Variants in ZCWPW2 observed in about 807,000 individuals in gnomAD.
ZCWPW2 encodes zinc finger CW-type PWWP domain protein 2.
Under a neutral mutation model 46.6 loss-of-function variants are expected in ZCWPW2, and 45 were observed. That is an observed-to-expected ratio of 0.96 (90% CI 0.76 to 1.24). ZCWPW2 has a LOEUF of 1.24. ZCWPW2 is among the 50% of genes most tolerant of loss of function. The pLI, the probability that ZCWPW2 is intolerant of heterozygous loss-of-function variation, is 0.00. For synonymous variants in ZCWPW2, 152 were observed against 137.1 expected, an observed-to-expected ratio of 1.11 and a Z score of -0.76; for missense variants, 429 against 403.9, an observed-to-expected ratio of 1.06 and a Z score of -0.53.
In ZCWPW2 at chr3:28,466,026, C is replaced by A. The variant is rs149558068; in HGVS notation, c.493-12788C>A. The stretch of plus-strand genomic sequence containing the variant: ...AAGAACAAAATCATGTCATTTGTAG[C>A]AATATAGATGGAGTCAGAGGTCATT... On this transcript the variant is annotated intron_variant, in intron 4 of 9. Coordinates refer to ENST00000383768, the MANE Select transcript of ZCWPW2 (RefSeq NM_001040432.4). Among the ~76,000 whole-genome samples, 386 of 152,190 alleles carry A rather than the reference C, an allele frequency of 2.5e-3. 1 individual carries two copies. Among genetic ancestry groups the A allele is most frequent in the African/African-American group, 8.4e-3 (350 of 41,528 alleles).
At chr3:28,393,645 G>A (rs1209584137) in intron 2 of ZCWPW2, among the ~76,000 whole-genome samples, 8 of 151,988 alleles carry the variant, frequency 5.3e-5, no homozygotes, top group Non-Finnish European at 1.2e-4. Context: ...ATATGCAAAT[G>A]AATAAATGTT....
At chr3:28,506,969 A>C (rs938219664) in intron 6 of ZCWPW2, among the ~76,000 whole-genome samples, 1 of 152,176 alleles carries the variant, frequency 6.6e-6, no homozygotes, top group African/African-American at 2.4e-5. Context: ...ATCATTTAAC[A>C]AAAGAAGACC....
chr3:28,474,620 TGCGCGCGCGC>T (rs1553640372), intron 4 of ZCWPW2, among the ~76,000 whole-genome samples: 135 of 121,696 alleles, frequency 1.1e-3, no homozygotes, highest in African/African-American at 3.1e-3. Context: ...TGTGTGTGTG[TGCGCGCGCGC>T]GCGCGCGCAC....
At chr3:28,498,696 A>G (rs1041851946) in intron 6 of ZCWPW2, among the ~76,000 whole-genome samples, 3 of 151,826 alleles carry the variant, frequency 2.0e-5, no homozygotes, top group Admixed American at 6.6e-5. Flanking sequence ...CATGTGCAGA[A>G]CGTGCAGGTT....
intron 3 of ZCWPW2, among the ~76,000 whole-genome samples, chr3:28,422,012 C>G (rs1018569030): frequency 2.0e-5 from 3 of 151,912 alleles, no homozygotes; most frequent in African/African-American, 7.3e-5. Context: ...ATTTTTAACA[C>G]TTTACATTTT....
At chr3:28,445,480 C>A (rs895285224) in intron 4 of ZCWPW2, among the ~76,000 whole-genome samples, 1 of 151,868 alleles carries the variant, frequency 6.6e-6, no homozygotes, top group African/African-American at 2.4e-5. Context: ...GGTATAAATT[C>A]AAATTAAAGT....
Position 28,478,829 on chromosome 3 carries a change from A to C in ZCWPW2, c.508A>C (p.Asn170His). The C allele has an allele frequency of 1.9e-6, 3 of 1,550,066 alleles. No homozygotes were observed. Among genetic ancestry groups the C allele is most frequent in the Non-Finnish European group, 2.6e-6 (3 of 1,153,290 alleles). ...SITLKPEKCK[N>H]KKKWYKSALQ... ...ATTTATATAGCCAGAAAAGTGTAAG[A>C]ATAAAAAGAAGTGGTATAAAAGTGC... Residue 170 changes from asparagine (N) to histidine (H), a missense_variant, in exon 5 of 10, where the codon AAT (asparagine) becomes CAT (histidine). Transcript: ENST00000383768.
chr3:28,425,936 C>A (rs1333401921), intron 3 of ZCWPW2, among the ~76,000 whole-genome samples: 2 of 151,984 alleles, frequency 1.3e-5, no homozygotes, highest in Non-Finnish European at 2.9e-5. Context: ...ATGCAGAAAC[C>A]CTGTCTCTAC....
chr3:28,369,772 A>T (rs1705247305), intron 1 of ZCWPW2, among the ~76,000 whole-genome samples: 1 of 152,226 alleles, frequency 6.6e-6, no homozygotes, highest in Admixed American at 6.5e-5. Flanking sequence ...CTACAGAGGC[A>T]GGCAGGCCTC....
At chr3:28,411,354 C>A (rs1218657741) in intron 2 of ZCWPW2, among the ~76,000 whole-genome samples, 1 of 151,668 alleles carries the variant, frequency 6.6e-6, no homozygotes, top group Non-Finnish European at 1.5e-5. Context: ...CAAAAAAAAT[C>A]CTTTTGGTAA....
At chr3:28,507,234 A>T (rs947980751) in intron 6 of ZCWPW2, among the ~76,000 whole-genome samples, 3 of 152,208 alleles carry the variant, frequency 2.0e-5, no homozygotes, top group Admixed American at 2.0e-4. Context: ...AATATTTAAC[A>T]AAGTAGAAAA....
intron 4 of ZCWPW2, among the ~76,000 whole-genome samples, chr3:28,438,508 C>A (rs1369304890): frequency 6.6e-6 from 1 of 152,022 alleles, no homozygotes; most frequent in Non-Finnish European, 1.5e-5. Flanking sequence ...AGATAGCCGA[C>A]AACAATAAAA....
intron 4 of ZCWPW2, among the ~76,000 whole-genome samples, chr3:28,451,259 A>G (rs1698214022): frequency 2.0e-5 from 3 of 152,190 alleles, no homozygotes; most frequent in Non-Finnish European, 4.4e-5. Context: ...TTTAAAGTCT[A>G]ACAGCCATCC....
chr3:28,469,095 G>A (rs76356436), intron 4 of ZCWPW2, among the ~76,000 whole-genome samples: 3,997 of 152,092 alleles, frequency 0.026, 155 homozygotes, highest in African/African-American at 0.085. Context: ...AAGTTCAGAG[G>A]TGTTTTCTTT....
At chr3:28,441,025 A>G (rs1697732512) in intron 4 of ZCWPW2, among the ~76,000 whole-genome samples, 1 of 152,120 alleles carries the variant, frequency 6.6e-6, no homozygotes, top group African/African-American at 2.4e-5. Context: ...TGGTGAGTGG[A>G]AGTTGATGTT....
rs1352883769 is a variant in ZCWPW2 at position 28,366,051 on chromosome 3, G to A, written c.-134+16848G>A. Reference sequence around the variant, plus strand: ...GCTTAAGGAGATTTTGGGCTGAGACGATGGGGTTTTCTAGATATACAATCA... The same window carrying A: ...GCTTAAGGAGATTTTGGGCTGAGACAATGGGGTTTTCTAGATATACAATCA... On this transcript the variant is annotated intron_variant, in intron 1 of 9. Transcript: ENST00000383768. Among the ~76,000 whole-genome samples, 18 of 152,080 alleles carry A rather than the reference G, an allele frequency of 1.2e-4. No individual in the cohort carries two copies. In the South Asian group the frequency reaches 2.1e-3, roughly 18 times the overall value.
intron 5 of ZCWPW2, among the ~76,000 whole-genome samples, chr3:28,481,661 C>T (rs750183043): frequency 2.6e-5 from 4 of 152,066 alleles, no homozygotes; most frequent in East Asian, 3.9e-4. Context: ...TAGAAGGATC[C>T]GGACTTTGAT....
chr3:28,389,422 A>G (rs1365374068), intron 1 of ZCWPW2, among the ~76,000 whole-genome samples: 3 of 152,188 alleles, frequency 2.0e-5, no homozygotes, highest in Non-Finnish European at 4.4e-5. Flanking sequence ...GTTTGAAGAT[A>G]CTATATGCAT....
chr3:28,429,439 A>G (rs1407644352), intron 3 of ZCWPW2, among the ~76,000 whole-genome samples: 1 of 152,174 alleles, frequency 6.6e-6, no homozygotes, highest in Non-Finnish European at 1.5e-5. Context: ...TTCATTCACA[A>G]AGATATGGTT....
Sources: gnomAD v4.1 joint callset for allele counts (sites outside exome capture counted in the v4.1 genomes callset) on GRCh38, gnomAD v4.1.1 for gene constraint, MANE v1.5 for transcripts, NCBI Gene and HGNC (gene_info 2026-07-23, HGNC 2026-07-21) for gene names.